Variants in MSI2 observed in about 807,000 individuals in gnomAD.
MSI2 encodes the protein RNA-binding protein Musashi homolog 2.
Under a neutral mutation model 45.6 loss-of-function variants are expected in MSI2, and 17 were observed. The observed-to-expected ratio is 0.37, with a 90% CI of 0.26 to 0.56. The LOEUF (loss-of-function observed/expected upper bound fraction) is 0.56. Among genes scored for constraint, MSI2 ranks in the 20% least tolerant of loss-of-function variants. MSI2 has a pLI of 0.77. For synonymous variants in MSI2, 156 were observed against 158.2 expected, an observed-to-expected ratio of 0.99 and a Z score of 0.11; for missense variants, 293 against 444.2, an observed-to-expected ratio of 0.66 and a Z score of 3.06.
intron 9 of MSI2, among the ~76,000 whole-genome samples, chr17:57,623,132 T>C (rs75560820): frequency 0.018 from 2,687 of 152,292 alleles, 78 homozygotes; most frequent in African/African-American, 0.061. Flanking sequence ...TTGTAGACTT[T>C]AGCCTTCGCG....
At chr17:57,653,395 A>G (rs1412695474) in intron 11 of MSI2, among the ~76,000 whole-genome samples, 2 of 152,174 alleles carry the variant, frequency 1.3e-5, no homozygotes, top group Non-Finnish European at 2.9e-5. Context: ...AGGCAGGTCC[A>G]GAGAGTGGGG....
chr17:57,690,143 T>G, the MSI2 span, among the ~76,000 whole-genome samples: 1,390 of 94,716 alleles, frequency 0.015, 30 homozygotes, highest in African/African-American at 0.056. Flanking sequence ...CACTTCGTAT[T>G]GTTCAGTTTT....
chr17:57,340,981 C>T (rs1289555199), intron 5 of MSI2, among the ~76,000 whole-genome samples: 1 of 152,194 alleles, frequency 6.6e-6, no homozygotes, highest in Non-Finnish European at 1.5e-5. Context: ...TGCATTGCTC[C>T]CCCGGTATCC....
intron 11 of MSI2, among the ~76,000 whole-genome samples, chr17:57,663,609 C>T (rs918437970): frequency 8.5e-5 from 13 of 152,166 alleles, no homozygotes; most frequent in African/African-American, 3.1e-4. Context: ...GTGGCGGCAG[C>T]GTCACCATCC....
intron 5 of MSI2, among the ~76,000 whole-genome samples, chr17:57,326,566 T>C (rs1266607910): frequency 4.6e-5 from 7 of 152,252 alleles, no homozygotes; most frequent in Admixed American, 4.6e-4. Context: ...GCCTCATGAT[T>C]AACTGGCACT....
chr17:57,540,753 C>T (rs1211648127), intron 7 of MSI2, among the ~76,000 whole-genome samples: 1 of 152,230 alleles, frequency 6.6e-6, no homozygotes, highest in Non-Finnish European at 1.5e-5. Flanking sequence ...CCTGAGCCTT[C>T]AAGAGGGCAT....
chr17:57,578,550 G>T (rs1030353621), intron 7 of MSI2, among the ~76,000 whole-genome samples: 5 of 151,998 alleles, frequency 3.3e-5, no homozygotes, highest in African/African-American at 1.2e-4. Flanking sequence ...ACAGAAGAAT[G>T]CCCAGGGGAT....
chr17:57,577,301 C>A (rs1354227885), intron 7 of MSI2, among the ~76,000 whole-genome samples: 2 of 152,118 alleles, frequency 1.3e-5, no homozygotes, highest in African/African-American at 2.4e-5. Flanking sequence ...GGGGTGATGC[C>A]CCTTTCCCCA....
At chr17:57,298,801 G>C (rs1911194743) in intron 5 of MSI2, among the ~76,000 whole-genome samples, 1 of 150,650 alleles carries the variant, frequency 6.6e-6, no homozygotes, top group Non-Finnish European at 1.5e-5. Flanking sequence ...AAAGTCACCA[G>C]TTGTATTAGC....
At position 57,519,241 on chromosome 17, in the gene MSI2, T is replaced by C. The variant is rs139178123; in HGVS notation, c.406-10435T>C. ...ACAGCATTGGGTGTGGCTCCCGGCTTAACTGCATGGACCATGTATGGGTGT... is the reference window on the plus strand; with the variant it reads ...ACAGCATTGGGTGTGGCTCCCGGCTCAACTGCATGGACCATGTATGGGTGT... On this transcript the variant is annotated intron_variant, in intron 6 of 13. Transcript: ENST00000284073. Among the ~76,000 whole-genome samples, 597 of 152,264 alleles carry C rather than the reference T, an allele frequency of 3.9e-3. 8 individuals are homozygous for C. The highest frequency in any genetic ancestry group is 0.014 in the African/African-American group (580 of 41,558).
At chr17:57,460,696 G>A (rs1337253803) in intron 6 of MSI2, among the ~76,000 whole-genome samples, 2 of 152,144 alleles carry the variant, frequency 1.3e-5, no homozygotes, top group Non-Finnish European at 2.9e-5. Flanking sequence ...GTGGAGGTGG[G>A]CAGGGGCAGG....
intron 11 of MSI2, among the ~76,000 whole-genome samples, chr17:57,659,208 T>C (rs997117238): frequency 1.3e-5 from 2 of 152,246 alleles, no homozygotes; most frequent in South Asian, 2.1e-4. Flanking sequence ...TGTAGGTTCA[T>C]ACTACCATGC....
At chr17:57,568,158 G>A (rs1169770014) in intron 7 of MSI2, among the ~76,000 whole-genome samples, 1 of 152,200 alleles carries the variant, frequency 6.6e-6, no homozygotes, top group Non-Finnish European at 1.5e-5. Context: ...TCCGAGAGGG[G>A]ACGTGAGGAC....
chr17:57,507,799 G>C (rs910347551), intron 6 of MSI2, among the ~76,000 whole-genome samples: 3 of 152,226 alleles, frequency 2.0e-5, no homozygotes, highest in Non-Finnish European at 4.4e-5. Context: ...CAACAAGACA[G>C]AGGGTGTATT....
chr17:57,408,969 C>T (rs1598229600), intron 6 of MSI2, among the ~76,000 whole-genome samples: 1 of 140,032 alleles, frequency 7.1e-6, no homozygotes, highest in East Asian at 2.2e-4. Flanking sequence ...TTATTTTCTT[C>T]TTTTGTCCTC....
At chr17:57,372,784 G>A (rs2083439342) in intron 5 of MSI2, among the ~76,000 whole-genome samples, 2 of 152,100 alleles carry the variant, frequency 1.3e-5, no homozygotes, top group African/African-American at 4.8e-5. Context: ...TGAAAATGAA[G>A]TTTTCTTACC....
intron 6 of MSI2, among the ~76,000 whole-genome samples, chr17:57,528,574 C>G (rs2086753299): frequency 6.6e-6 from 1 of 152,150 alleles, no homozygotes; most frequent in East Asian, 1.9e-4. Flanking sequence ...GCTAAAACAA[C>G]AGAAATGTAT....
chr17:57,312,033 C>G (rs1344283592), intron 5 of MSI2, among the ~76,000 whole-genome samples: 1 of 152,150 alleles, frequency 6.6e-6, no homozygotes, highest in African/African-American at 2.4e-5. Flanking sequence ...TCTCTGGAGA[C>G]AAGTCATAGC....
intron 7 of MSI2, among the ~76,000 whole-genome samples, chr17:57,530,269 C>G (rs1207555679): frequency 6.6e-6 from 1 of 152,138 alleles, no homozygotes; most frequent in Admixed American, 6.5e-5. Context: ...TCTGTCCCAT[C>G]CACTTTACAA....
Sources: allele counts gnomAD v4.1 joint callset (sites outside exome capture counted in the v4.1 genomes callset), GRCh38; gene constraint gnomAD v4.1.1; transcripts MANE v1.5; gene names NCBI Gene and HGNC (gene_info 2026-07-23, HGNC 2026-07-21).